The following NALF1 variants were observed in gnomAD, a reference collection of about 807,000 sequenced individuals.
NALF1 encodes family with sequence similarity 155 member A.
NALF1 carries 3 observed loss-of-function variants against 48.4 expected under a neutral mutation model. The observed-to-expected ratio is 0.06, with a 90% confidence interval of 0.03 to 0.16. The LOEUF is 0.16. NALF1 is among the 10% of genes least tolerant of loss of function. The probability of loss-of-function intolerance (pLI) is 1.00; values close to 1 mark genes in which losing one functional copy is unlikely to be tolerated. For missense variants in NALF1, 526 were observed against 571.5 expected (o/e 0.92, Z 0.81); for synonymous variants, 262 against 245.7 (o/e 1.07, Z -0.62).
At chr13:107,664,232 C>T (rs181917727) in intron 1 of NALF1, among the ~76,000 whole-genome samples, 5 of 152,270 alleles carry the variant, frequency 3.3e-5, no homozygotes, top group Admixed American at 3.3e-4. Context: ...TTCTTTCTTT[C>T]ACATATACAA....
At chr13:107,865,455 G>T (rs931366919) in intron 1 of NALF1, among the ~76,000 whole-genome samples, 7 of 152,008 alleles carry the variant, frequency 4.6e-5, no homozygotes, top group African/African-American at 1.7e-4. Flanking sequence ...AGATAACCGG[G>T]GACTTCCCTG....
chr13:107,601,816 A>T (rs1483591903), intron 1 of NALF1, among the ~76,000 whole-genome samples: 1 of 151,832 alleles, frequency 6.6e-6, no homozygotes. Context: ...CTTCATATAG[A>T]CATATTCTTA....
chr13:107,827,018 G>C (rs1272592960), intron 1 of NALF1, among the ~76,000 whole-genome samples: 2 of 152,144 alleles, frequency 1.3e-5, no homozygotes, highest in Non-Finnish European at 2.9e-5. Context: ...GCATGCCTTC[G>C]ACTACTGGTC....
intron 1 of NALF1, among the ~76,000 whole-genome samples, chr13:107,387,451 C>T (rs934602723): frequency 6.6e-6 from 1 of 152,046 alleles, no homozygotes; most frequent in Non-Finnish European, 1.5e-5. Context: ...ACTGTCAACC[C>T]CCACTGATTA....
chr13:107,737,478 T>C (rs1221357712), intron 1 of NALF1, among the ~76,000 whole-genome samples: 4 of 152,218 alleles, frequency 2.6e-5, no homozygotes, highest in Non-Finnish European at 5.9e-5. Flanking sequence ...AGATCACTCA[T>C]TAGTAGAATT....
At chr13:107,669,574 C>T (rs1330362957) in intron 1 of NALF1, among the ~76,000 whole-genome samples, 2 of 152,128 alleles carry the variant, frequency 1.3e-5, no homozygotes, top group African/African-American at 4.8e-5. Context: ...CTGTTATTTA[C>T]AACAGGTTCA....
intron 1 of NALF1, among the ~76,000 whole-genome samples, chr13:107,762,486 C>A (rs192467607): frequency 8.9e-4 from 136 of 152,070 alleles, no homozygotes; most frequent in Non-Finnish European, 1.7e-3. Context: ...CATGGGAGAG[C>A]ACCCCAGGCA....
At chr13:107,208,283 C>T (rs1364275801) in intron 2 of NALF1, among the ~76,000 whole-genome samples, 1 of 152,130 alleles carries the variant, frequency 6.6e-6, no homozygotes, top group Non-Finnish European at 1.5e-5. Flanking sequence ...TGGCACTTTT[C>T]TCTGGATCTG....
intron 1 of NALF1, among the ~76,000 whole-genome samples, chr13:107,703,886 G>C (rs1369161932): frequency 1.3e-5 from 2 of 152,002 alleles, no homozygotes; most frequent in Non-Finnish European, 2.9e-5. Flanking sequence ...AGCATCTGTA[G>C]CTTCATAACA....
intron 1 of NALF1, among the ~76,000 whole-genome samples, chr13:107,710,024 G>A (rs1875517178): frequency 6.6e-6 from 1 of 152,154 alleles, no homozygotes; most frequent in Non-Finnish European, 1.5e-5. Flanking sequence ...GGATGAGGTA[G>A]GAGAATTGCT....
chr13:107,345,840 A>C (rs1271894596), intron 1 of NALF1, among the ~76,000 whole-genome samples: 1 of 152,194 alleles, frequency 6.6e-6, no homozygotes, highest in Non-Finnish European at 1.5e-5. Context: ...AAATATTTCC[A>C]ACCCTTTATT....
At chr13:107,239,354 CA>C (rs1880418358) in intron 1 of NALF1, among the ~76,000 whole-genome samples, 2 of 152,164 alleles carry the variant, frequency 1.3e-5, no homozygotes, top group African/African-American at 2.4e-5. Flanking sequence ...CCCTGGTTTG[CA>C]GGTGCTTCAC....
chr13:107,768,900 A>G (rs1877493524), intron 1 of NALF1, among the ~76,000 whole-genome samples: 1 of 152,192 alleles, frequency 6.6e-6, no homozygotes, highest in Non-Finnish European at 1.5e-5. Context: ...GACACTTCTC[A>G]AAAGAAGACA....
chr13:107,618,623 G>C (rs1327823110), intron 1 of NALF1, among the ~76,000 whole-genome samples: 1 of 152,180 alleles, frequency 6.6e-6, no homozygotes, highest in Non-Finnish European at 1.5e-5. Flanking sequence ...AAGACGATGG[G>C]TAGCTGAATT....
intron 1 of NALF1, among the ~76,000 whole-genome samples, chr13:107,448,663 C>T (rs9301228): frequency 0.66 from 100,203 of 151,960 alleles, 33,749 homozygotes; most frequent in Middle Eastern, 0.78. Context: ...AACTACTATC[C>T]CCAAGGAGCT....
At chr13:107,268,225 T>A (rs535705564) in intron 1 of NALF1, among the ~76,000 whole-genome samples, 23 of 152,152 alleles carry the variant, frequency 1.5e-4, no homozygotes, top group African/African-American at 5.3e-4. Flanking sequence ...CTTGACCTCA[T>A]GTTCTGGCCG....
At chr13:107,654,533 G>A (rs1166191264) in intron 1 of NALF1, among the ~76,000 whole-genome samples, 1 of 151,952 alleles carries the variant, frequency 6.6e-6, no homozygotes, top group African/African-American at 2.4e-5. Flanking sequence ...CAAAGCCCAG[G>A]GCCAGGTGGA....
At chr13:107,486,878 G>C (rs1307626355) in intron 1 of NALF1, among the ~76,000 whole-genome samples, 1 of 152,084 alleles carries the variant, frequency 6.6e-6, no homozygotes, top group East Asian at 1.9e-4. Flanking sequence ...TAGTATTTCA[G>C]AATATTTTCT....
intron 1 of NALF1, among the ~76,000 whole-genome samples, chr13:107,249,960 T>C (rs1445785013): frequency 1.3e-5 from 2 of 152,098 alleles, no homozygotes; most frequent in African/African-American, 4.8e-5. Flanking sequence ...CCTTCCTTAG[T>C]ATCACTTGAT....
Sources: allele counts gnomAD v4.1 joint callset (sites outside exome capture counted in the v4.1 genomes callset), GRCh38; gene constraint gnomAD v4.1.1; transcripts MANE v1.5; gene names NCBI Gene and HGNC (gene_info 2026-07-23, HGNC 2026-07-21).